Variants in LRRC52 observed in about 807,000 individuals in gnomAD.
LRRC52 encodes leucine rich repeat containing 52, also known as leucine-rich repeat-containing protein 52.
A neutral mutation model predicts 14.7 loss-of-function variants in LRRC52; 15 were observed. The ratio of observed to expected loss-of-function variants is 1.02; its 90% confidence interval spans 0.68 to 1.58. The LOEUF is 1.58. Among genes scored for constraint, LRRC52 ranks in the 40% most tolerant of loss-of-function variants. LRRC52 has a pLI of 0.00. For synonymous variants in LRRC52, 180 were observed against 163.9 expected (o/e 1.10, Z -0.75); for missense variants, 400 against 387.7 (o/e 1.03, Z -0.27).
At chr1:165,551,250 A>AAACAGTGC (rs1450481978) in intron 1 of LRRC52, among the ~76,000 whole-genome samples, 1 of 152,196 alleles carries the variant, frequency 6.6e-6, no homozygotes, top group African/African-American at 2.4e-5. Flanking sequence ...AGACCTGCTC[A>AAACAGTGC]AACAGTGCTT....
intron 1 of LRRC52, among the ~76,000 whole-genome samples, chr1:165,560,119 A>T (rs1661313287): frequency 1.3e-5 from 2 of 152,266 alleles, no homozygotes; most frequent in Non-Finnish European, 2.9e-5. Flanking sequence ...AACTCCATAC[A>T]GACAGTGGCC....
At chr1:165,562,767 A>T (rs1375247940) in intron 1 of LRRC52, among the ~76,000 whole-genome samples, 1 of 152,140 alleles carries the variant, frequency 6.6e-6, no homozygotes, top group Admixed American at 6.5e-5. Context: ...TGAGTCAGCT[A>T]CTAAGACTGA....
chr1:165,547,412 T>C (rs1661045014), intron 1 of LRRC52, among the ~76,000 whole-genome samples: 1 of 152,176 alleles, frequency 6.6e-6, no homozygotes, highest in African/African-American at 2.4e-5. Flanking sequence ...TTTCATTGGA[T>C]AATAAGCACT....
intron 1 of LRRC52, among the ~76,000 whole-genome samples, chr1:165,555,145 T>C (rs1661206952): frequency 6.6e-6 from 1 of 152,158 alleles, no homozygotes; most frequent in Non-Finnish European, 1.5e-5. Flanking sequence ...ACATATGACA[T>C]AATGTCAAAT....
In LRRC52 at chr1:165,544,229, C is replaced by CCCCCCCCCAAGG; in HGVS notation, c.-68_-67insCCCCCCCCAAGG. ...CCCCTCCCCCGCCCCACCCCCCCAC[C>CCCCCCCCCAAGG]GGCAGCCTTCGGATCAGAGGACAGA... On this transcript the variant is annotated 5_prime_UTR_variant, in exon 1 of 2. Transcript: ENST00000294818. The CCCCCCCCCAAGG allele has an allele frequency of 1.4e-6, 2 of 1,476,568 alleles. No individual in the cohort carries two copies. The highest frequency in any genetic ancestry group is 1.8e-6 in the Non-Finnish European group (2 of 1,101,698). The allele number at this position is 1,476,568 out of a possible 1,614,324, so 91.5% of individuals were successfully genotyped here.
rs1187824529 is a variant in LRRC52, at chr1:165,544,016, C to T, written c.-281C>T. On this transcript the variant is annotated 5_prime_UTR_variant, in exon 1 of 2. The change creates a new upstream start codon in the 5' untranslated region. Transcript: ENST00000294818. Reference sequence around the variant, plus strand: ...CCCCTGGCTCCCCTTCACTTGCAAACGCAGGGAAAGGGTGAGACCTTTCAA... The same window carrying T: ...CCCCTGGCTCCCCTTCACTTGCAAATGCAGGGAAAGGGTGAGACCTTTCAA... 1.5e-5 allele frequency: 7 copies of T among 458,844 alleles called. No homozygotes were observed. Among genetic ancestry groups the T allele is most frequent in the African/African-American group, 3.9e-5 (2 of 51,690 alleles). 28.4% of individuals were successfully genotyped at this position (458,844 alleles called of 1,614,324 possible). A position where few individuals can be genotyped will look rare whatever the true frequency, so the allele number is the denominator to read the frequency against.
In LRRC52 at chr1:165,551,979, G is replaced by GAAAAA. The variant is rs148299176; in HGVS notation, c.622+7073_622+7077dup. Among the ~76,000 whole-genome samples, 380 of 120,338 alleles carry GAAAAA rather than the reference G, an allele frequency of 3.2e-3. 6 individuals are homozygous for GAAAAA. Among genetic ancestry groups the GAAAAA allele is most frequent in the African/African-American group, 9.6e-3 (333 of 34,598 alleles). 78.9% of individuals were successfully genotyped at this position (120,338 alleles called of 152,430 possible). A position where few individuals can be genotyped will look rare whatever the true frequency, so the allele number is the denominator to read the frequency against. ...AAAATAAAGACCAAAGGCTAAAAAAGAAAAAAAAAAAAAAAAGGCTGGGCA... is the reference window on the plus strand; with the variant it reads ...AAAATAAAGACCAAAGGCTAAAAAAGAAAAAAAAAAAAAAAAAAAAAGGCTGGGCA... On this transcript the variant is annotated intron_variant, in intron 1 of 1. Transcript: ENST00000294818.
At chr1:165,551,696 G>A (rs910765066) in intron 1 of LRRC52, among the ~76,000 whole-genome samples, 6 of 152,166 alleles carry the variant, frequency 3.9e-5, no homozygotes, top group African/African-American at 1.4e-4. Flanking sequence ...GCCATCTGCA[G>A]GGAGCAGATG....
At chr1:165,551,758 C>A (rs1418387714) in intron 1 of LRRC52, among the ~76,000 whole-genome samples, 1 of 152,054 alleles carries the variant, frequency 6.6e-6, no homozygotes, top group African/African-American at 2.4e-5. Context: ...GCGTTTTGAG[C>A]AGAGAACATC....
intron 1 of LRRC52, among the ~76,000 whole-genome samples, chr1:165,546,614 A>C (rs1172054521): frequency 6.6e-6 from 1 of 151,968 alleles, no homozygotes; most frequent in Non-Finnish European, 1.5e-5. Flanking sequence ...CCCACCATAC[A>C]TGCACTTTTC....
chr1:165,544,221 C>CGGCAGCCT lies in LRRC52; in HGVS notation c.-76_-75insGGCAGCCT. ...TTCCAGAGCCCCTCCCCCGCCCCAC[C>CGGCAGCCT]CCCCCACCGGCAGCCTTCGGATCAG... On this transcript the variant is annotated 5_prime_UTR_variant, in exon 1 of 2. Transcript: ENST00000294818. 1 of 1,355,294 alleles carries CGGCAGCCT rather than the reference C, an allele frequency of 7.4e-7. No individual in the cohort carries two copies. The highest frequency in any genetic ancestry group is 1.4e-5 in the South Asian group (1 of 73,598). The allele number at this position is 1,355,294 out of a possible 1,614,324, so 84.0% of individuals were successfully genotyped here. A position where few individuals can be genotyped will look rare whatever the true frequency, so the allele number is the denominator to read the frequency against.
At chr1:165,559,748 T>G (rs1429788553) in intron 1 of LRRC52, among the ~76,000 whole-genome samples, 1 of 152,202 alleles carries the variant, frequency 6.6e-6, no homozygotes, top group Non-Finnish European at 1.5e-5. Context: ...TTATTTCTAG[T>G]CACAAAAACA....
chr1:165,555,281 TGA>T (rs545731628), intron 1 of LRRC52, among the ~76,000 whole-genome samples: 10 of 151,842 alleles, frequency 6.6e-5, no homozygotes, highest in Non-Finnish European at 1.5e-4. Flanking sequence ...TGAAATAAAG[TGA>T]GAGAGAAGCC....
rs549383788 is a variant in LRRC52 at position 165,548,482 on chromosome 1, G to A, written c.622+3564G>A. ...GTTGTGCATAACAGAACAAAACAGGGCAGGACAAACGAGGCCAGCATGTGC... is the reference window on the plus strand; with the variant it reads ...GTTGTGCATAACAGAACAAAACAGGACAGGACAAACGAGGCCAGCATGTGC... On this transcript the variant is annotated intron_variant, in intron 1 of 1. Transcript: ENST00000294818. 2.0e-5 allele frequency among the ~76,000 whole-genome samples: 3 copies of A among 152,284 alleles called. No individual in the cohort carries two copies. In the South Asian group the frequency reaches 6.2e-4, roughly 32 times the overall value.
At chr1:165,554,017 T>C (rs1010154923) in intron 1 of LRRC52, among the ~76,000 whole-genome samples, 1 of 152,180 alleles carries the variant, frequency 6.6e-6, no homozygotes, top group Non-Finnish European at 1.5e-5. Context: ...AGGCCACCTG[T>C]CATTTCATCC....
chr1:165,553,749 C>A (rs748652786), intron 1 of LRRC52, among the ~76,000 whole-genome samples: 1 of 151,780 alleles, frequency 6.6e-6, no homozygotes, highest in Non-Finnish European at 1.5e-5. Flanking sequence ...GAGAAGGAGG[C>A]GAGGGTAAAC....
rs2101820874 is a variant in LRRC52, at chr1:165,544,208, TCCCCCGCCCCA to T, written c.-83_-73del. ...GTGTTACAGTTCTTTCCAGAGCCCC[TCCCCCGCCCCA>T]CCCCCCCACCGGCAGCCTTCGGATC... is the stretch of plus-strand genomic sequence containing the variant. On this transcript the variant is annotated 5_prime_UTR_variant, in exon 1 of 2. Coordinates refer to ENST00000294818, the MANE Select transcript of LRRC52 (RefSeq NM_001005214.4). 243 of 447,784 alleles carry T rather than the reference TCCCCCGCCCCA, an allele frequency of 5.4e-4. 4 individuals are homozygous for T. The highest frequency in any genetic ancestry group is 8.9e-4 in the Non-Finnish European group (209 of 235,426). 27.7% of individuals were successfully genotyped at this position (447,784 alleles called of 1,614,324 possible).
At chr1:165,558,940 C>T (rs1661291001) in intron 1 of LRRC52, among the ~76,000 whole-genome samples, 1 of 152,166 alleles carries the variant, frequency 6.6e-6, no homozygotes, top group Non-Finnish European at 1.5e-5. Flanking sequence ...AAAAGAATTT[C>T]AATGCAGCCA....
At position 165,551,235 on chromosome 1, in the gene LRRC52, A is replaced by G. The variant is rs570471513; in HGVS notation, c.622+6317A>G. ...ACTCATTGCCCCAGACTTTCCTCCC[A>G]GGCCAGACCTGCTCAAACAGTGCTT... On this transcript the variant is annotated intron_variant, in intron 1 of 1. Transcript: ENST00000294818. Among the ~76,000 whole-genome samples, 94 of 152,284 alleles carry G rather than the reference A, an allele frequency of 6.2e-4. 1 individual carries two copies. In the South Asian group the frequency reaches 7.5e-3, roughly 12 times the overall value.
Sources: allele counts gnomAD v4.1 joint callset (sites outside exome capture counted in the v4.1 genomes callset), GRCh38; gene constraint gnomAD v4.1.1; transcripts MANE v1.5; gene names NCBI Gene and HGNC (gene_info 2026-07-23, HGNC 2026-07-21).